The following CACNB2 variants were observed in gnomAD, a reference collection of about 807,000 sequenced individuals.
The protein encoded by CACNB2 is voltage-dependent L-type calcium channel subunit beta-2.
Under a neutral mutation model 73.3 loss-of-function variants are expected in CACNB2, and 42 were observed. That is an observed-to-expected ratio of 0.57 (90% CI 0.45 to 0.74). The LOEUF (loss-of-function observed/expected upper bound fraction) is 0.74, where lower values mean the gene tolerates loss of function less well. CACNB2 is among the 30% of genes least tolerant of loss of function. The pLI, the probability that CACNB2 is intolerant of heterozygous loss-of-function variation, is 0.00. For missense variants in CACNB2, 940 were observed against 853.0 expected, an observed-to-expected ratio of 1.10 and a Z score of -1.27; for synonymous variants, 348 against 310.3, an observed-to-expected ratio of 1.12 and a Z score of -1.28.
intron 6 of CACNB2, among the ~76,000 whole-genome samples, chr10:18,509,682 T>C (rs1322802868): frequency 2.0e-5 from 3 of 151,944 alleles, no homozygotes; most frequent in Non-Finnish European, 4.4e-5. Flanking sequence ...CCCAGCTACT[T>C]GGGAGGCTGA....
chr10:18,276,709 G>C (rs1179548499), intron 2 of CACNB2, among the ~76,000 whole-genome samples: 1 of 152,174 alleles, frequency 6.6e-6, no homozygotes, highest in South Asian at 2.1e-4. Flanking sequence ...CTCCCAAGTA[G>C]CTGGGATTAT....
chr10:18,455,407 G>A (rs2047230049), intron 3 of CACNB2, among the ~76,000 whole-genome samples: 1 of 152,202 alleles, frequency 6.6e-6, no homozygotes, highest in African/African-American at 2.4e-5. Context: ...TGTGTTTGAA[G>A]ATTCCTGGAG....
At position 18,220,240 on chromosome 10, in the gene CACNB2, G is replaced by GTT. The variant is rs1417534113; in HGVS notation, c.213+69265_213+69266insTT. ...ATATATATATATATATATAGAGAGA[G>GTT]AGAGAGAGAGAGAGAGAGAGAGAGA... On this transcript the variant is annotated intron_variant, in intron 2 of 13. Transcript: ENST00000324631. 2.4e-3 allele frequency among the ~76,000 whole-genome samples: 174 copies of GTT among 72,346 alleles called. 12 individuals are homozygous for GTT. Among genetic ancestry groups the GTT allele is most frequent in the African/African-American group, 0.011 (133 of 11,650 alleles). The allele number at this position is 72,346 out of a possible 152,430, so 47.5% of individuals were successfully genotyped here.
intron 2 of CACNB2, among the ~76,000 whole-genome samples, chr10:18,370,219 A>G (rs1251326522): frequency 6.6e-6 from 1 of 152,208 alleles, no homozygotes; most frequent in Admixed American, 6.5e-5. Flanking sequence ...TTTCTGTACA[A>G]AATGTGCTCC....
intron 3 of CACNB2, among the ~76,000 whole-genome samples, chr10:18,411,644 G>A (rs555157189): frequency 1.3e-5 from 2 of 152,074 alleles, no homozygotes; most frequent in East Asian, 3.9e-4. Flanking sequence ...GAGTAGCTGG[G>A]ATTGCAGGCA....
At chr10:18,447,913 AG>A (rs2046814875) in intron 3 of CACNB2, among the ~76,000 whole-genome samples, 1 of 152,168 alleles carries the variant, frequency 6.6e-6, no homozygotes, top group East Asian at 1.9e-4. Context: ...TTTTCTTTTA[AG>A]GGCATGGGCA....
intron 3 of CACNB2, among the ~76,000 whole-genome samples, chr10:18,481,956 C>G (rs2048801922): frequency 1.3e-5 from 2 of 152,164 alleles, no homozygotes; most frequent in African/African-American, 4.8e-5. Context: ...ATGGCGCGAT[C>G]TCGGCTTACT....
At chr10:18,143,368 TATG>T (rs2030631543) in intron 1 of CACNB2, among the ~76,000 whole-genome samples, 1 of 152,110 alleles carries the variant, frequency 6.6e-6, no homozygotes, top group South Asian at 2.1e-4. Flanking sequence ...AGATAATGGA[TATG>T]ACAGTTCTAT....
intron 2 of CACNB2, among the ~76,000 whole-genome samples, chr10:18,239,327 G>C (rs1357447533): frequency 6.6e-6 from 1 of 151,990 alleles, no homozygotes; most frequent in African/African-American, 2.4e-5. Context: ...ACCTTTCCGA[G>C]TCTCCAGTGT....
chr10:18,503,699 C>A (rs1238616928), intron 5 of CACNB2, among the ~76,000 whole-genome samples: 2 of 152,158 alleles, frequency 1.3e-5, no homozygotes, highest in African/African-American at 2.4e-5. Context: ...TTGAAGTTAT[C>A]CCAGCTGGGG....
intron 2 of CACNB2, among the ~76,000 whole-genome samples, chr10:18,357,636 GA>G (rs2041976817): frequency 1.3e-5 from 2 of 152,190 alleles, no homozygotes; most frequent in Admixed American, 6.5e-5. Context: ...TATGCGAAAA[GA>G]CTTGTACTCA....
intron 2 of CACNB2, among the ~76,000 whole-genome samples, chr10:18,218,674 C>T (rs12249287): frequency 0.11 from 16,577 of 151,760 alleles, 1,129 homozygotes; most frequent in African/African-American, 0.19. Context: ...TTGAGACCAT[C>T]CTGGCTAACA....
In CACNB2 at chr10:18,542,341, C is replaced by G. The variant is rs910051836; in HGVS notation, c.*2617C>G. On this transcript the variant is annotated 3_prime_UTR_variant, in exon 14 of 14. Transcript: ENST00000324631. Reference sequence around the variant, plus strand: ...GTCATAATAAACTTGACAATTCTTACATTGGTAGGAAACCATATTCTAATT... The same window carrying G: ...GTCATAATAAACTTGACAATTCTTAGATTGGTAGGAAACCATATTCTAATT... 2 of 152,132 alleles carry G rather than the reference C, an allele frequency of 1.3e-5. No individual in the cohort carries two copies. The highest frequency in any genetic ancestry group is 4.8e-5 in the African/African-American group (2 of 41,418). 9.4% of individuals were successfully genotyped at this position (152,132 alleles called of 1,614,324 possible).
rs528646028 is a variant in CACNB2 at position 18,327,525 on chromosome 10, A to G, written c.214-74399A>G. Among the ~76,000 whole-genome samples the G allele has an allele frequency of 2.2e-3, 342 of 152,244 alleles. 2 individuals are homozygous for G. Among genetic ancestry groups the G allele is most frequent in the Non-Finnish European group, 4.2e-3 (288 of 68,008 alleles). ...CTGCAACCTCCACCTGCTGGACTCA[A>G]GCGAGTCTCCTGCCTCAGCCTCCTG... On this transcript the variant is annotated intron_variant, in intron 2 of 13. Transcript: ENST00000324631.
At chr10:18,144,227 G>A (rs542141983) in intron 1 of CACNB2, among the ~76,000 whole-genome samples, 237 of 152,180 alleles carry the variant, frequency 1.6e-3, no homozygotes, top group African/African-American at 3.1e-3. Flanking sequence ...ACAGGCGCCC[G>A]CCACCATGCT....
intron 2 of CACNB2, among the ~76,000 whole-genome samples, chr10:18,208,699 A>T (rs2035197831): frequency 6.6e-6 from 1 of 150,584 alleles, no homozygotes; most frequent in Non-Finnish European, 1.5e-5. Context: ...TTATTTGTTA[A>T]ATTTTCAGAC....
chr10:18,521,478 G>C (rs932123162), intron 9 of CACNB2, among the ~76,000 whole-genome samples: 3 of 152,196 alleles, frequency 2.0e-5, no homozygotes, highest in African/African-American at 7.2e-5. Context: ...TATCTAGTGT[G>C]TCACGCCAAT....
rs2042607742 is a variant in CACNB2 at position 18,372,032 on chromosome 10, C to T, written c.214-29892C>T. ...AGAAGTGTCTGTTCATATCCTTCGC[C>T]CACTTGTTGATGGGGTTGTTTGTTT... On this transcript the variant is annotated intron_variant, in intron 2 of 13. Transcript: ENST00000324631. Among the ~76,000 whole-genome samples, 9 of 152,218 alleles carry T rather than the reference C, an allele frequency of 5.9e-5. No individual in the cohort carries two copies. The South Asian group carries it at 1.7e-3, about 28-fold the overall frequency.
intron 2 of CACNB2, among the ~76,000 whole-genome samples, chr10:18,323,861 T>C (rs2040484082): frequency 6.6e-6 from 1 of 152,222 alleles, no homozygotes; most frequent in South Asian, 2.1e-4. Flanking sequence ...TTTAAACTGT[T>C]ACAATATGAT....
Sources: allele counts gnomAD v4.1 joint callset (sites outside exome capture counted in the v4.1 genomes callset), GRCh38; gene constraint gnomAD v4.1.1; transcripts MANE v1.5; gene names NCBI Gene and HGNC (gene_info 2026-07-23, HGNC 2026-07-21).